SLC16A2: variants seen among roughly 807,000 people sequenced by gnomAD.
SLC16A2 encodes the protein solute carrier family 16 member 2.
SLC16A2 carries 3 observed loss-of-function variants against 27.2 expected under a neutral mutation model. That is an observed-to-expected ratio of 0.11 (90% CI 0.05 to 0.28). The LOEUF is 0.28. SLC16A2 is among the 10% of genes least tolerant of loss of function. SLC16A2 has a pLI of 1.00. For missense variants in SLC16A2, 295 were observed against 458.5 expected (o/e 0.64, Z 3.26); for synonymous variants, 202 against 187.8 (o/e 1.08, Z -0.62).
chrX:74,446,407 C>T (rs976934545), intron 1 of SLC16A2, among the ~76,000 whole-genome samples: 1 of 111,223 alleles, frequency 9.0e-6, no homozygotes, highest in Non-Finnish European at 1.9e-5. Context: ...GAGGGTTGAG[C>T]CCAGTAGTTT....
intron 1 of SLC16A2, among the ~76,000 whole-genome samples, chrX:74,485,025 T>A (rs1175095899): frequency 9.0e-6 from 1 of 111,146 alleles, no homozygotes; most frequent in Non-Finnish European, 1.9e-5. Flanking sequence ...GAGACCAGCC[T>A]GACCAACATG....
intron 1 of SLC16A2, among the ~76,000 whole-genome samples, chrX:74,445,997 C>T (rs745958466): frequency 9.0e-6 from 1 of 111,630 alleles, no homozygotes; most frequent in Non-Finnish European, 1.9e-5. Context: ...AACCATGCCC[C>T]TCTGCCTAAG....
intron 1 of SLC16A2, among the ~76,000 whole-genome samples, chrX:74,498,589 G>A (rs755759226): frequency 2.7e-5 from 3 of 111,924 alleles, no homozygotes; most frequent in Admixed American, 9.5e-5. Context: ...CTGCATGGCT[G>A]ACCTTGTGTT....
chrX:74,523,192 C>T (rs1294762332), intron 2 of SLC16A2, among the ~76,000 whole-genome samples: 1 of 112,397 alleles, frequency 8.9e-6, no homozygotes, highest in Non-Finnish European at 1.9e-5. Context: ...GTTGGCTTAG[C>T]TATGTGTTCC....
At chrX:74,517,956 T>C (rs1930342224) in intron 1 of SLC16A2, among the ~76,000 whole-genome samples, 1 of 112,458 alleles carries the variant, frequency 8.9e-6, no homozygotes, top group Non-Finnish European at 1.9e-5. Context: ...CAGTAGTTCA[T>C]TCCTGTCTAT....
At chrX:74,426,344 T>A (rs954152986) in intron 1 of SLC16A2, among the ~76,000 whole-genome samples, 3 of 111,862 alleles carry the variant, frequency 2.7e-5, no homozygotes, top group African/African-American at 3.2e-5. Context: ...CCAAATGGGA[T>A]CTTGAACTAT....
chrX:74,429,932 C>T, intron 1 of SLC16A2, among the ~76,000 whole-genome samples: 1 of 111,956 alleles, frequency 8.9e-6, no homozygotes, highest in African/African-American at 3.2e-5. Context: ...TATAAGCCTT[C>T]CCTGCTACTG....
intron 1 of SLC16A2, among the ~76,000 whole-genome samples, chrX:74,434,587 G>T (rs1181562957): frequency 1.8e-5 from 2 of 110,755 alleles, no homozygotes; most frequent in Non-Finnish European, 3.8e-5. Context: ...GCCTACAGAT[G>T]GTTTGTGGCA....
intron 1 of SLC16A2, among the ~76,000 whole-genome samples, chrX:74,490,362 A>G (rs1285703886): frequency 1.9e-5 from 2 of 103,748 alleles, no homozygotes; most frequent in Admixed American, 2.1e-4. Context: ...TGTTTCCCAC[A>G]CTTAAAAAAA....
intron 1 of SLC16A2, among the ~76,000 whole-genome samples, chrX:74,508,948 T>C (rs775353188): frequency 1.3e-5 from 1 of 74,285 alleles, no homozygotes; most frequent in Admixed American, 1.9e-4. Context: ...GACATCCTTT[T>C]TGTATCCTTT....
intron 1 of SLC16A2, among the ~76,000 whole-genome samples, chrX:74,487,507 G>T (rs1347920487): frequency 8.9e-6 from 1 of 111,887 alleles, no homozygotes; most frequent in African/African-American, 3.3e-5. Flanking sequence ...TGTGCATTTG[G>T]ATCACATATA....
At chrX:74,432,799 C>T in intron 1 of SLC16A2, among the ~76,000 whole-genome samples, 1 of 112,003 alleles carries the variant, frequency 8.9e-6, no homozygotes. Flanking sequence ...AGCTCAATCA[C>T]TGGCATTCTT....
intron 1 of SLC16A2, among the ~76,000 whole-genome samples, chrX:74,474,912 C>G (rs760235454): frequency 9.0e-6 from 1 of 110,762 alleles, no homozygotes; most frequent in Non-Finnish European, 1.9e-5. Flanking sequence ...CAAGTCTTTG[C>G]TATTGTGAAT....
At chrX:74,503,910 A>G (rs1930079338) in intron 1 of SLC16A2, among the ~76,000 whole-genome samples, 1 of 112,136 alleles carries the variant, frequency 8.9e-6, no homozygotes, top group Non-Finnish European at 1.9e-5. Context: ...TGGAACACTA[A>G]TATTATTTAC....
chrX:74,450,788 A>G (rs1347857737), intron 1 of SLC16A2, among the ~76,000 whole-genome samples: 1 of 112,163 alleles, frequency 8.9e-6, no homozygotes, highest in Non-Finnish European at 1.9e-5. Flanking sequence ...TGTTGACCAG[A>G]CAATATCCCC....
intron 1 of SLC16A2, among the ~76,000 whole-genome samples, chrX:74,491,649 A>G (rs1457864561): frequency 8.9e-6 from 1 of 112,206 alleles, no homozygotes; most frequent in Non-Finnish European, 1.9e-5. Flanking sequence ...GAGGAAGTCC[A>G]TTCAGATGGT....
intron 1 of SLC16A2, among the ~76,000 whole-genome samples, chrX:74,512,548 C>T (rs1930250369): frequency 8.9e-6 from 1 of 112,043 alleles, no homozygotes; most frequent in Non-Finnish European, 1.9e-5. Flanking sequence ...TGTTAGTTCC[C>T]CACAATAAAA....
At chrX:74,524,198 C>G (rs889980796) in intron 2 of SLC16A2, among the ~76,000 whole-genome samples, 161 bp from the exon 3 acceptor site, 1 of 111,785 alleles carries the variant, frequency 8.9e-6, no homozygotes, top group African/African-American at 3.3e-5. Context: ...ATCTGCAACA[C>G]AGGGATCAGA....
At chrX:74,472,970 T>C in intron 1 of SLC16A2, 1 of 444,657 alleles carries the variant, frequency 2.2e-6, no homozygotes, top group Non-Finnish European at 4.0e-6. Context: ...GTAGCTTCCC[T>C]GCCACTTCTC....
Sources: allele counts gnomAD v4.1 joint callset (sites outside exome capture counted in the v4.1 genomes callset), GRCh38; gene constraint gnomAD v4.1.1; transcripts MANE v1.5; gene names NCBI Gene and HGNC (gene_info 2026-07-23, HGNC 2026-07-21).